The following PDE4D variants were observed in gnomAD, a reference collection of about 807,000 sequenced individuals.
The protein encoded by PDE4D is phosphodiesterase 4D.
Under a neutral mutation model 87.4 loss-of-function variants are expected in PDE4D, and 24 were observed. The observed-to-expected ratio is 0.27, with a 90% CI of 0.20 to 0.39. The LOEUF (loss-of-function observed/expected upper bound fraction) is 0.39, where lower values mean the gene tolerates loss of function less well. Among genes scored for constraint, PDE4D ranks in the 10% least tolerant of loss-of-function variants. The pLI, the probability that PDE4D is intolerant of heterozygous loss-of-function variation, is 1.00. For synonymous variants in PDE4D, 384 were observed against 383.2 expected (o/e 1.00, Z -0.02); for missense variants, 714 against 1,041.0 (o/e 0.69, Z 4.32).
At chr5:59,469,974 C>T (rs540066365) in intron 1 of PDE4D, among the ~76,000 whole-genome samples, 14 of 152,182 alleles carry the variant, frequency 9.2e-5, no homozygotes, top group South Asian at 2.1e-4. Context: ...AGGCATTGGG[C>T]GACTTCGTCA....
At chr5:60,320,848 A>G (rs1040766056) in intron 1 of PDE4D, among the ~76,000 whole-genome samples, 17 of 152,208 alleles carry the variant, frequency 1.1e-4, no homozygotes, top group Non-Finnish European at 2.2e-4. Flanking sequence ...CTAACCAGGG[A>G]GGTGAAAAAT....
chr5:59,162,822 T>C (rs1336065115), intron 5 of PDE4D, among the ~76,000 whole-genome samples: 1 of 138,990 alleles, frequency 7.2e-6, no homozygotes, highest in East Asian at 2.1e-4. Context: ...GCCACCGCAA[T>C]CTAGCCTGAG....
intron 1 of PDE4D, among the ~76,000 whole-genome samples, chr5:59,739,168 C>T (rs996814298): frequency 3.3e-5 from 5 of 152,064 alleles, no homozygotes; most frequent in African/African-American, 1.2e-4. Flanking sequence ...ACCTGTAATC[C>T]CAGCACTTTG....
intron 1 of PDE4D, among the ~76,000 whole-genome samples, chr5:60,320,287 C>T (rs183295882): frequency 2.6e-5 from 4 of 152,324 alleles, no homozygotes; most frequent in Admixed American, 2.0e-4. Context: ...GAGCCATGCA[C>T]GGGATATAAT....
chr5:60,374,294 A>T (rs1020209270), intron 1 of PDE4D, among the ~76,000 whole-genome samples: 1 of 152,144 alleles, frequency 6.6e-6, no homozygotes, highest in African/African-American at 2.4e-5. Context: ...TCTCCCCCCA[A>T]AAAAACACCA....
At chr5:60,102,196 A>C (rs1466202611) in intron 2 of PDE4D, among the ~76,000 whole-genome samples, 1 of 152,144 alleles carries the variant, frequency 6.6e-6, no homozygotes, top group Non-Finnish European at 1.5e-5. Context: ...TGGGACTCTT[A>C]ATATATACCA....
chr5:59,932,731 G>A (rs577561300), intron 3 of PDE4D, among the ~76,000 whole-genome samples: 4 of 151,976 alleles, frequency 2.6e-5, no homozygotes, highest in East Asian at 1.9e-4. Context: ...CTGGAAAGTC[G>A]GTAGATACCA....
chr5:60,440,305 T>G (rs770958446), intron 1 of PDE4D, among the ~76,000 whole-genome samples: 8 of 152,188 alleles, frequency 5.3e-5, no homozygotes, highest in Non-Finnish European at 8.8e-5. Flanking sequence ...CTATTACATT[T>G]ATGTTTGGAG....
intron 1 of PDE4D, among the ~76,000 whole-genome samples, chr5:59,763,995 C>T (rs534342180): frequency 2.6e-5 from 4 of 152,094 alleles, no homozygotes; most frequent in Non-Finnish European, 5.9e-5. Flanking sequence ...ACTGGAGGAA[C>T]CTTTTAGGAA....
At chr5:60,049,961 C>G (rs971843911) in intron 2 of PDE4D, among the ~76,000 whole-genome samples, 1 of 152,214 alleles carries the variant, frequency 6.6e-6, no homozygotes, top group East Asian at 1.9e-4. Flanking sequence ...GCCCCTCCCC[C>G]AGCCTCGCTG....
At chr5:59,606,998 G>C (rs1828298748) in intron 1 of PDE4D, among the ~76,000 whole-genome samples, 1 of 151,940 alleles carries the variant, frequency 6.6e-6, no homozygotes, top group Admixed American at 6.6e-5. Context: ...AAGTTTTAGT[G>C]CCTTTTGGTT....
At position 59,396,472 on chromosome 5, in the gene PDE4D, C is replaced by T. The variant is rs1789443931; in HGVS notation, c.456-180504G>A. On this transcript the variant is annotated intron_variant, in intron 1 of 14. Coordinates refer to ENST00000340635, the MANE Select transcript of PDE4D (RefSeq NM_001104631.2). ...AATTCTCAACCCAGAATTTCATATCCAGCCAAACTAAGCTTCATAAGTGAA... is the reference window on the plus strand; with the variant it reads ...AATTCTCAACCCAGAATTTCATATCTAGCCAAACTAAGCTTCATAAGTGAA... Among the ~76,000 whole-genome samples, 2 of 92,420 alleles carry T rather than the reference C, an allele frequency of 2.2e-5. 1 individual carries two copies. The highest frequency in any genetic ancestry group is 1.1e-4 in the African/African-American group (2 of 18,834). The allele number at this position is 92,420 out of a possible 152,430, so 60.6% of individuals were successfully genotyped here. A position where few individuals can be genotyped will look rare whatever the true frequency, so the allele number is the denominator to read the frequency against.
At chr5:60,222,706 T>C (rs1342491832) in intron 1 of PDE4D, among the ~76,000 whole-genome samples, 1 of 152,152 alleles carries the variant, frequency 6.6e-6, no homozygotes. Context: ...CAATGAGGTT[T>C]AAATTTATAT....
chr5:59,137,003 A>C (rs1777169444), intron 5 of PDE4D, among the ~76,000 whole-genome samples: 1 of 152,200 alleles, frequency 6.6e-6, no homozygotes. Context: ...CCTCAGTGCC[A>C]GGCAAACTGG....
At chr5:59,632,602 G>A (rs765179975) in intron 1 of PDE4D, among the ~76,000 whole-genome samples, 21 of 152,196 alleles carry the variant, frequency 1.4e-4, no homozygotes, top group Non-Finnish European at 2.1e-4. Flanking sequence ...CAGGCAAACA[G>A]GGTGTGGAGT....
At chr5:60,413,514 A>G (rs1292580753) in intron 1 of PDE4D, among the ~76,000 whole-genome samples, 1 of 152,194 alleles carries the variant, frequency 6.6e-6, no homozygotes, top group Admixed American at 6.5e-5. Context: ...AAGACTACAC[A>G]GACTCAGGAA....
At chr5:60,375,717 A>C (rs1180900377) in intron 1 of PDE4D, among the ~76,000 whole-genome samples, 1 of 152,178 alleles carries the variant, frequency 6.6e-6, no homozygotes, top group East Asian at 1.9e-4. Context: ...GGCTACACAA[A>C]ATACAGTGTA....
At chr5:59,333,899 A>G (rs1777177117) in intron 1 of PDE4D, among the ~76,000 whole-genome samples, 1 of 151,956 alleles carries the variant, frequency 6.6e-6, no homozygotes, top group Non-Finnish European at 1.5e-5. Context: ...TAAATATAAA[A>G]TAGTATATAA....
chr5:59,438,804 A>G (rs1328389914), intron 1 of PDE4D, among the ~76,000 whole-genome samples: 1 of 151,912 alleles, frequency 6.6e-6, no homozygotes, highest in Non-Finnish European at 1.5e-5. Context: ...GGAAAAAAAA[A>G]CAAATAATAG....
Sources: gnomAD v4.1 joint callset for allele counts (sites outside exome capture counted in the v4.1 genomes callset) on GRCh38, gnomAD v4.1.1 for gene constraint, MANE v1.5 for transcripts, NCBI Gene and HGNC (gene_info 2026-07-23, HGNC 2026-07-21) for gene names.